The following BMP2K variants were observed in gnomAD, a reference collection of about 807,000 sequenced individuals.
BMP2K encodes BMP-2-inducible protein kinase.
In BMP2K, 74 loss-of-function variants were observed where a neutral mutation model predicts 116.0. That is an observed-to-expected ratio of 0.64 (90% CI 0.53 to 0.77). BMP2K has a LOEUF of 0.77. Among genes scored for constraint, BMP2K ranks in the 30% least tolerant of loss-of-function variants. BMP2K has a pLI of 0.00. For missense variants in BMP2K, 1,365 were observed against 1,403.6 expected (o/e 0.97, Z 0.44); for synonymous variants, 486 against 502.5 (o/e 0.97, Z 0.44).
At chr4:78,847,082 C>A (rs987381756) in intron 5 of BMP2K, 106 bp from the exon 6 acceptor site, 4 of 529,442 alleles carry the variant, frequency 7.6e-6, no homozygotes, top group African/African-American at 4.0e-5. Context: ...TGTTATTGAA[C>A]CTAAAAGACT....
At chr4:78,794,836 T>G (rs1376062134) in intron 1 of BMP2K, among the ~76,000 whole-genome samples, 2 of 152,200 alleles carry the variant, frequency 1.3e-5, no homozygotes, top group African/African-American at 2.4e-5. Context: ...GTGCTGAGAT[T>G]ACAGGTGTGA....
At chr4:78,868,419 T>C (rs1352276930) in intron 10 of BMP2K, among the ~76,000 whole-genome samples, 1 of 152,212 alleles carries the variant, frequency 6.6e-6, no homozygotes, top group Non-Finnish European at 1.5e-5. Context: ...CAAGTTGTGA[T>C]TTGGGTGGGG....
Position 78,859,576 on chromosome 4 carries a change from T to G in BMP2K, c.884-8T>G, listed in dbSNP as rs781669801. On this transcript the variant is annotated splice_region_variant and splice_polypyrimidine_tract_variant and intron_variant, in intron 7 of 15. Transcript: ENST00000502613. Reference sequence around the variant, plus strand: ...AAAACTTCTTAACATTTTGATCTATTCTTGCAGGGTTCATGCTTGAACCAG... The same window carrying G: ...AAAACTTCTTAACATTTTGATCTATGCTTGCAGGGTTCATGCTTGAACCAG... 1.6e-5 allele frequency: 25 copies of G among 1,588,024 alleles called. No homozygotes were observed. Among genetic ancestry groups the G allele is most frequent in the Non-Finnish European group, 2.1e-5 (24 of 1,162,940 alleles).
chr4:78,837,130 A>G (rs1350836145), intron 3 of BMP2K, among the ~76,000 whole-genome samples: 4 of 150,776 alleles, frequency 2.7e-5, no homozygotes, highest in African/African-American at 9.7e-5. Flanking sequence ...GCCTTCCTCT[A>G]TCTTTTAGCT....
At chr4:78,839,252 C>T (rs570450377) in intron 3 of BMP2K, among the ~76,000 whole-genome samples, 22 of 152,222 alleles carry the variant, frequency 1.4e-4, no homozygotes, top group African/African-American at 3.9e-4. Context: ...TTCACGTGTC[C>T]GTCATCCTCT....
At chr4:78,846,239 G>A (rs1055729566) in intron 5 of BMP2K, among the ~76,000 whole-genome samples, 4 of 151,544 alleles carry the variant, frequency 2.6e-5, no homozygotes, top group Non-Finnish European at 5.9e-5. Flanking sequence ...CATTCATTCA[G>A]TTGACAAGTA....
chr4:78,824,598 G>T, intron 1 of BMP2K, among the ~76,000 whole-genome samples: 1 of 152,196 alleles, frequency 6.6e-6, no homozygotes, highest in Non-Finnish European at 1.5e-5. Context: ...TGAGATTTCA[G>T]TGGGGACACA....
intron 15 of BMP2K, among the ~76,000 whole-genome samples, chr4:78,891,399 G>C (rs2110080615): frequency 1.3e-5 from 2 of 152,136 alleles, no homozygotes; most frequent in South Asian, 4.2e-4. Flanking sequence ...GGACCTAGTG[G>C]GCCTTACTTA....
At chr4:78,897,745 T>C (rs1326431933) in intron 15 of BMP2K, among the ~76,000 whole-genome samples, 16 of 152,178 alleles carry the variant, frequency 1.1e-4, no homozygotes, top group Admixed American at 7.2e-4. Context: ...CCTTCTAATT[T>C]CCCAGCCGTG....
chr4:78,883,613 A>G (rs984436922), intron 14 of BMP2K, among the ~76,000 whole-genome samples: 3 of 152,206 alleles, frequency 2.0e-5, no homozygotes, highest in African/African-American at 7.2e-5. Flanking sequence ...TAATGTGTAT[A>G]GTTTTGTCAT....
At chr4:78,848,748 C>CTGTTTATAT in intron 6 of BMP2K, among the ~76,000 whole-genome samples, 1 of 149,890 alleles carries the variant, frequency 6.7e-6, no homozygotes, top group East Asian at 2.0e-4. Context: ...ATATTAGTTA[C>CTGTTTATAT]AGAGTAGAGA....
chr4:78,857,596 C>T (rs1475787862), intron 7 of BMP2K, among the ~76,000 whole-genome samples: 1 of 152,082 alleles, frequency 6.6e-6, no homozygotes, highest in African/African-American at 2.4e-5. Flanking sequence ...TTAAACCAGG[C>T]CGCAAAAGAA....
rs968922462 is a variant in BMP2K, at chr4:78,906,811, T to C, written c.2063-3799T>C. Reference sequence around the variant, plus strand: ...CATGATGATGGTAGAGTGCTTATTATGTGTTCAGGCACCGTTCTAAGTCCT... The same window carrying C: ...CATGATGATGGTAGAGTGCTTATTACGTGTTCAGGCACCGTTCTAAGTCCT... On this transcript the variant is annotated intron_variant, in intron 15 of 15. Transcript: ENST00000502613. 3.3e-5 allele frequency among the ~76,000 whole-genome samples: 5 copies of C among 152,272 alleles called. No homozygotes were observed. The East Asian group carries it at 9.6e-4, about 29-fold the overall frequency.
At chr4:78,788,528 T>G (rs1727843307) in intron 1 of BMP2K, among the ~76,000 whole-genome samples, 1 of 152,118 alleles carries the variant, frequency 6.6e-6, no homozygotes, top group South Asian at 2.1e-4. Flanking sequence ...CTTTGGTAAA[T>G]TTTCATCTTT....
intron 1 of BMP2K, among the ~76,000 whole-genome samples, chr4:78,782,060 G>A (rs994089458): frequency 6.6e-6 from 1 of 152,158 alleles, no homozygotes; most frequent in African/African-American, 2.4e-5. Context: ...AAGCTTACCT[G>A]TAATTATTTG....
At chr4:78,906,195 G>C (rs1429438034) in intron 15 of BMP2K, 2 of 152,034 alleles carry the variant, frequency 1.3e-5, no homozygotes, top group Admixed American at 1.3e-4. Context: ...GTTTGTCTTA[G>C]TATGCTTTCA....
At chr4:78,897,422 A>C (rs1733760085) in intron 15 of BMP2K, among the ~76,000 whole-genome samples, 1 of 151,962 alleles carries the variant, frequency 6.6e-6, no homozygotes, top group Non-Finnish European at 1.5e-5. Flanking sequence ...AGCAATGTAC[A>C]AATGTGTCTC....
intron 15 of BMP2K, among the ~76,000 whole-genome samples, chr4:78,903,718 CTCA>C (rs1339575091): frequency 3.3e-5 from 5 of 151,888 alleles, no homozygotes; most frequent in Non-Finnish European, 5.9e-5. Context: ...ATACAGGGTA[CTCA>C]TCATACAGGT....
chr4:78,790,269 T>G (rs1727935012), intron 1 of BMP2K, among the ~76,000 whole-genome samples: 1 of 152,192 alleles, frequency 6.6e-6, no homozygotes. Context: ...AAACTAAACT[T>G]ACTTGGAAAT....
Sources: allele counts gnomAD v4.1 joint callset (sites outside exome capture counted in the v4.1 genomes callset), GRCh38; gene constraint gnomAD v4.1.1; transcripts MANE v1.5; gene names NCBI Gene and HGNC (gene_info 2026-07-23, HGNC 2026-07-21).